CNGB3: variants seen among roughly 807,000 people sequenced by gnomAD.
CNGB3 encodes cyclic nucleotide-gated channel beta-3.
In CNGB3, 86 loss-of-function variants were observed where a neutral mutation model predicts 92.8. The ratio of observed to expected loss-of-function variants is 0.93; its 90% CI spans 0.78 to 1.11. CNGB3 has a LOEUF of 1.11. Among genes scored for constraint, CNGB3 ranks in the 50% least tolerant of loss-of-function variants. The pLI is 0.00. For missense variants in CNGB3, 1,026 were observed against 956.8 expected, an observed-to-expected ratio of 1.07 and a Z score of -0.95; for synonymous variants, 333 against 332.7, an observed-to-expected ratio of 1.00 and a Z score of -0.01.
chr8:86,736,659 G>C (rs1825254375), intron 2 of CNGB3, among the ~76,000 whole-genome samples: 1 of 151,698 alleles, frequency 6.6e-6, no homozygotes, highest in South Asian at 2.1e-4. Flanking sequence ...TCACATTTTG[G>C]TGTATGCATT....
chr8:86,586,458 G>A (rs1429905820), intron 15 of CNGB3, among the ~76,000 whole-genome samples: 1 of 148,920 alleles, frequency 6.7e-6, no homozygotes, highest in Admixed American at 6.7e-5. Flanking sequence ...CTAGCATTAC[G>A]TATATCTCCC....
chr8:86,677,768 G>A (rs1029170456), intron 3 of CNGB3, among the ~76,000 whole-genome samples: 4 of 152,152 alleles, frequency 2.6e-5, no homozygotes, highest in Non-Finnish European at 5.9e-5. Flanking sequence ...GCAAGTAAGA[G>A]TTCACTGGTC....
chr8:86,619,193 C>G (rs898834629), intron 13 of CNGB3, among the ~76,000 whole-genome samples: 1 of 152,172 alleles, frequency 6.6e-6, no homozygotes, highest in Non-Finnish European at 1.5e-5. Flanking sequence ...CTAGGTGGCG[C>G]AACAGAACTT....
intron 11 of CNGB3, among the ~76,000 whole-genome samples, chr8:86,629,670 C>A (rs1264233120): frequency 6.6e-6 from 1 of 152,164 alleles, no homozygotes; most frequent in East Asian, 1.9e-4. Context: ...CAAATCTCAT[C>A]ATGCTTAAGG....
chr8:86,667,041 T>C lies in CNGB3; in HGVS notation c.736A>G (p.Thr246Ala). ...AGCCAGTAGTGTATGTTGTCTGCGGTTTGATATGGGAAGACGAGGCGCAGT... is the reference window on the plus strand; with the variant it reads ...AGCCAGTAGTGTATGTTGTCTGCGGCTTGATATGGGAAGACGAGGCGCAGT... ...IPLRLVFPYQ[T>A]ADNIHYWLIA... Residue 246 changes from threonine (T) to alanine (A), a missense_variant, in exon 6 of 18, where the codon ACC becomes GCC. By Grantham distance (58) the Thr-to-Ala change is moderately conservative. Coordinates refer to ENST00000320005, the MANE Select transcript of CNGB3 (RefSeq NM_019098.5). 2 of 1,613,998 alleles carry C rather than the reference T, an allele frequency of 1.2e-6. No individual in the cohort carries two copies. Among genetic ancestry groups the C allele is most frequent in the Non-Finnish European group, 1.7e-6 (2 of 1,179,946 alleles).
At chr8:86,671,761 A>G (rs1430879497) in intron 3 of CNGB3, among the ~76,000 whole-genome samples, 1 of 152,230 alleles carries the variant, frequency 6.6e-6, no homozygotes, top group East Asian at 1.9e-4. Flanking sequence ...CAGAGACTTC[A>G]GAGGTACAAC....
At chr8:86,633,420 G>T (rs66509922) in intron 10 of CNGB3, among the ~76,000 whole-genome samples, 1 of 152,122 alleles carries the variant, frequency 6.6e-6, no homozygotes, top group African/African-American at 2.4e-5. Context: ...GAACAGTAGA[G>T]GGTGGCTGGG....
At chr8:86,652,848 T>G (rs1345624761) in intron 7 of CNGB3, among the ~76,000 whole-genome samples, 1 of 152,098 alleles carries the variant, frequency 6.6e-6, no homozygotes, top group African/African-American at 2.4e-5. Flanking sequence ...CATTCCGAAA[T>G]AACAATAAAG....
At chr8:86,589,082 A>C (rs753270670) in intron 15 of CNGB3, among the ~76,000 whole-genome samples, 1 of 151,808 alleles carries the variant, frequency 6.6e-6, no homozygotes, top group African/African-American at 2.4e-5. Flanking sequence ...TGTGTGTGTC[A>C]AGGAATTTAT....
intron 2 of CNGB3, 35 bp downstream of exon 2, chr8:86,739,620 G>GTTTTTTTTTTTTT: frequency 1.3e-6 from 2 of 1,488,504 alleles, no homozygotes; most frequent in Non-Finnish European, 9.0e-7. Flanking sequence ...TCACTTTTTA[G>GTTTTTTTTTTTTT]TTTTTTTTTT....
chr8:86,604,499 T>C (rs937250885), intron 14 of CNGB3, among the ~76,000 whole-genome samples: 1 of 152,182 alleles, frequency 6.6e-6, no homozygotes, highest in Non-Finnish European at 1.5e-5. Context: ...GGAAGGACCC[T>C]GGGTAGAGGA....
intron 3 of CNGB3, among the ~76,000 whole-genome samples, chr8:86,718,672 G>A (rs558063805): frequency 8.5e-5 from 13 of 152,210 alleles, no homozygotes; most frequent in African/African-American, 2.9e-4. Flanking sequence ...ATTATATGAA[G>A]CCAATAACAC....
chr8:86,588,698 A>G (rs1426640050), intron 15 of CNGB3, among the ~76,000 whole-genome samples: 70 of 148,946 alleles, frequency 4.7e-4, no homozygotes, highest in African/African-American at 1.6e-3. Context: ...CCACTTGATC[A>G]TGGTGGATAA....
At chr8:86,668,286 T>C in intron 4 of CNGB3, 118 bp from the exon 5 acceptor site, 1 of 935,038 alleles carries the variant, frequency 1.1e-6, no homozygotes, top group Non-Finnish European at 1.6e-6. Context: ...AGTTGAACAA[T>C]GAGAACATAT....
At chr8:86,694,452 C>T (rs1021451029) in intron 3 of CNGB3, among the ~76,000 whole-genome samples, 39 of 151,984 alleles carry the variant, frequency 2.6e-4, no homozygotes, top group African/African-American at 8.7e-4. Context: ...AGACGCTCCT[C>T]ACTTCCCAGA....
At chr8:86,641,865 C>T (rs1257710528) in intron 10 of CNGB3, among the ~76,000 whole-genome samples, 1 of 151,780 alleles carries the variant, frequency 6.6e-6, no homozygotes, top group Non-Finnish European at 1.5e-5. Context: ...AACAAAATTA[C>T]AACAGGTAAT....
intron 3 of CNGB3, among the ~76,000 whole-genome samples, chr8:86,671,481 G>A (rs1823861586): frequency 6.6e-6 from 1 of 152,190 alleles, no homozygotes; most frequent in South Asian, 2.1e-4. Flanking sequence ...AATAAGTATG[G>A]TGGTTTTATT....
chr8:86,595,595 A>C (rs116665266), intron 15 of CNGB3, among the ~76,000 whole-genome samples: 426 of 152,112 alleles, frequency 2.8e-3, no homozygotes, highest in African/African-American at 9.5e-3. Flanking sequence ...GAGATATGAA[A>C]AAAATGAAAA....
chr8:86,701,444 C>G (rs889236542), intron 3 of CNGB3, among the ~76,000 whole-genome samples: 3 of 152,110 alleles, frequency 2.0e-5, no homozygotes, highest in African/African-American at 7.2e-5. Context: ...AGAAGACAAG[C>G]TTTGGAGGAC....
Sources: allele counts gnomAD v4.1 joint callset (sites outside exome capture counted in the v4.1 genomes callset), GRCh38; gene constraint gnomAD v4.1.1; transcripts MANE v1.5; gene names NCBI Gene and HGNC (gene_info 2026-07-23, HGNC 2026-07-21).